The following RNF145 variants were observed in gnomAD, a reference collection of about 807,000 sequenced individuals.
The protein encoded by RNF145 is ring finger protein 145.
Under a neutral mutation model 57.3 loss-of-function variants are expected in RNF145, and 12 were observed. The ratio of observed to expected loss-of-function variants is 0.21; its 90% confidence interval spans 0.13 to 0.34. The LOEUF (loss-of-function observed/expected upper bound fraction) is 0.34, where lower values mean the gene tolerates loss of function less well. Ranked by LOEUF, RNF145 falls within the 10% of genes least tolerant of loss-of-function variation. The pLI is 1.00. For missense variants in RNF145, 429 were observed against 799.0 expected, an observed-to-expected ratio of 0.54 and a Z score of 5.58; for synonymous variants, 262 against 288.3, an observed-to-expected ratio of 0.91 and a Z score of 0.92.
intron 4 of RNF145, 131 bp downstream of exon 4, chr5:159,181,829 A>G (rs953263808): frequency 2.0e-5 from 12 of 589,788 alleles, no homozygotes; most frequent in Non-Finnish European, 3.7e-5. Context: ...AACAATGGGT[A>G]TATGTGGGAA....
intron 1 of RNF145, 131 bp from the exon 2 acceptor site, chr5:159,203,787 C>T: frequency 1.6e-6 from 1 of 615,268 alleles, no homozygotes; most frequent in South Asian, 2.1e-5. Flanking sequence ...ACTTCTCAGC[C>T]ACAACTACTA....
At chr5:159,209,192 C>T in intron 1 of RNF145, 39 bp downstream of exon 1, 1 of 846,994 alleles carries the variant, frequency 1.2e-6, no homozygotes, top group Non-Finnish European at 1.4e-6. Flanking sequence ...GGCCGGGGGG[C>T]GCGGGGATGG....
At chr5:159,180,174 G>A (rs1226642722) in intron 4 of RNF145, among the ~76,000 whole-genome samples, 2 of 152,060 alleles carry the variant, frequency 1.3e-5, no homozygotes, top group East Asian at 3.9e-4. Context: ...TGTTACTGGT[G>A]CTTCCTAGAC....
At chr5:159,208,389 C>G (rs985804760) in intron 1 of RNF145, among the ~76,000 whole-genome samples, 2 of 152,262 alleles carry the variant, frequency 1.3e-5, no homozygotes, top group Non-Finnish European at 1.5e-5. Context: ...TCAGCATCCC[C>G]GAACAGAAAG....
At chr5:159,204,585 C>A (rs1039557479) in intron 1 of RNF145, among the ~76,000 whole-genome samples, 2 of 152,076 alleles carry the variant, frequency 1.3e-5, no homozygotes, top group African/African-American at 4.8e-5. Context: ...GCAGGCAGAT[C>A]ATGAGGTCAC....
intron 4 of RNF145, among the ~76,000 whole-genome samples, chr5:159,179,089 C>T (rs903313292): frequency 1.3e-5 from 2 of 152,018 alleles, no homozygotes; most frequent in African/African-American, 4.8e-5. Flanking sequence ...CCTTGTTGAG[C>T]ACAATGTAAA....
At chr5:159,186,743 T>TA (rs1421168337) in intron 3 of RNF145, among the ~76,000 whole-genome samples, 1 of 152,140 alleles carries the variant, frequency 6.6e-6, no homozygotes, top group African/African-American at 2.4e-5. Context: ...GCCTCCTAGA[T>TA]ATTGAGTGCC....
At chr5:159,184,203 ATGCTAGAATTTGAT>A (rs1743422254) in intron 3 of RNF145, among the ~76,000 whole-genome samples, 1 of 152,226 alleles carries the variant, frequency 6.6e-6, no homozygotes, top group Non-Finnish European at 1.5e-5. Context: ...ACTAAACATT[ATGCTAGAATTTGAT>A]TGCTGAGACA....
Position 159,161,392 on chromosome 5 carries a change from A to C in RNF145, c.1500T>G (p.Leu500=). ...IFIHSYYNVW[L]RAQLGWKSFL... The stretch of plus-strand genomic sequence containing the variant: ...AGCTCTTCCACCCCAGCTGGGCCCG[A>C]AGCCACACGTTATAGTAGGAATGAA... The change falls in exon 10 of 11, where the codon CTT becomes CTG. Residue 500 remains leucine, a synonymous_variant. Coordinates refer to ENST00000424310, the MANE Select transcript of RNF145 (RefSeq NM_001199383.2). The C allele has an allele frequency of 1.2e-6, 2 of 1,614,200 alleles. No individual in the cohort carries two copies. The highest frequency in any genetic ancestry group is 1.7e-6 in the Non-Finnish European group (2 of 1,180,012).
chr5:159,189,872 G>A (rs895609200), intron 3 of RNF145, among the ~76,000 whole-genome samples: 48 of 152,220 alleles, frequency 3.2e-4, no homozygotes, highest in African/African-American at 1.2e-3. Context: ...AAAAAAGACA[G>A]GTGATAGACT....
intron 3 of RNF145, among the ~76,000 whole-genome samples, chr5:159,187,495 T>C (rs941611817): frequency 1.3e-5 from 2 of 151,644 alleles, no homozygotes; most frequent in Non-Finnish European, 2.9e-5. Flanking sequence ...GCCCGGCTAA[T>C]TTTTTGTATT....
rs189828562 is a variant in RNF145 at position 159,200,999 on chromosome 5, C to A, written c.184+2435G>T. On this transcript the variant is annotated intron_variant, in intron 2 of 10. Transcript: ENST00000424310. ...AATATAGGATTGTAGGAACTCTCAA[C>A]CACGGTTTTTGGAGGTACAAAATAG... 8.5e-5 allele frequency among the ~76,000 whole-genome samples: 13 copies of A among 152,252 alleles called. No individual in the cohort carries two copies. The South Asian group carries it at 1.0e-3, about 12-fold the overall frequency.
chr5:159,194,819 T>A lies in RNF145; in HGVS notation c.190A>T (p.Ile64Phe), dbSNP rs1402624407. 6.3e-7 allele frequency: 1 copy of A among 1,592,670 alleles called. No individual in the cohort carries two copies. ...LALNMHYVGY[I>F]LSVVLLTLPR... ...AATGTTAGCAGCACCACACTTAAGA[T>A]ATAACCTGTACCAGAAAGATAAATA... is the stretch of plus-strand genomic sequence containing the variant. The change falls in exon 3 of 11, where the codon ATC becomes TTC. Residue 64 changes from isoleucine to phenylalanine, a missense_variant. Transcript: ENST00000424310.
chr5:159,188,404 AAAAG>A (rs1258894528), intron 3 of RNF145, among the ~76,000 whole-genome samples: 1 of 152,106 alleles, frequency 6.6e-6, no homozygotes, highest in Non-Finnish European at 1.5e-5. Flanking sequence ...AAAAAAAAAA[AAAAG>A]AAATACTGGA....
Position 159,209,512 on chromosome 5 carries a change from CA to C in RNF145, c.-322del. The C allele has an allele frequency of 2.3e-5, 2 of 88,120 alleles. No homozygotes were observed. The highest frequency in any genetic ancestry group is 2.6e-5 in the Non-Finnish European group (2 of 75,562). The allele number at this position is 88,120 out of a possible 1,614,324, so 5.5% of individuals were successfully genotyped here. ...AGCAGCCGGCGCCGGCGTCGGCGGC[CA>C]TGGCCTCCTGCGTTTGCTCCTCCCG... On this transcript the variant is annotated 5_prime_UTR_variant, in exon 1 of 11. The change abolishes an upstream ATG in the 5' untranslated region. Coordinates refer to ENST00000424310, the MANE Select transcript of RNF145 (RefSeq NM_001199383.2).
intron 3 of RNF145, among the ~76,000 whole-genome samples, chr5:159,187,623 G>A (rs567558175): frequency 9.2e-5 from 14 of 152,148 alleles, no homozygotes; most frequent in East Asian, 1.9e-4. Context: ...CACCACTCCC[G>A]GCCTATCTAT....
intron 8 of RNF145, among the ~76,000 whole-genome samples, chr5:159,167,401 C>T (rs760176577): frequency 6.6e-6 from 1 of 152,186 alleles, no homozygotes; most frequent in Non-Finnish European, 1.5e-5. Flanking sequence ...TCCTCTGCAT[C>T]TAATTTTGGA....
chr5:159,199,430 A>T (rs2113228120), intron 2 of RNF145, among the ~76,000 whole-genome samples: 1 of 152,262 alleles, frequency 6.6e-6, no homozygotes, highest in South Asian at 2.1e-4. Context: ...GAAGTGGTAA[A>T]CAGCTCCATA....
intron 10 of RNF145, among the ~76,000 whole-genome samples, chr5:159,159,336 A>C (rs1388442515): frequency 6.6e-6 from 1 of 152,204 alleles, no homozygotes; most frequent in African/African-American, 2.4e-5. Context: ...AGTGTTACAC[A>C]ATTGTTGCAG....
Sources: allele counts gnomAD v4.1 joint callset (sites outside exome capture counted in the v4.1 genomes callset), GRCh38; gene constraint gnomAD v4.1.1; transcripts MANE v1.5; gene names NCBI Gene and HGNC (gene_info 2026-07-23, HGNC 2026-07-21).